The following ULK2 variants were observed in gnomAD, a reference collection of about 807,000 sequenced individuals.
The protein encoded by ULK2 is serine/threonine-protein kinase ULK2.
A neutral mutation model predicts 127.5 loss-of-function variants in ULK2; 76 were observed. The ratio of observed to expected loss-of-function variants is 0.60; its 90% confidence interval spans 0.50 to 0.72. ULK2 has a LOEUF of 0.72. Among genes scored for constraint, ULK2 ranks in the 30% least tolerant of loss-of-function variants. The probability of loss-of-function intolerance (pLI) is 0.00; values close to 1 mark genes in which losing one functional copy is unlikely to be tolerated. For synonymous variants in ULK2, 452 were observed against 461.9 expected (o/e 0.98, Z 0.28); for missense variants, 1,144 against 1,295.9 (o/e 0.88, Z 1.80).
intron 15 of ULK2, among the ~76,000 whole-genome samples, chr17:19,803,218 A>G (rs528356424): frequency 0.023 from 3,574 of 152,294 alleles, 121 homozygotes; most frequent in African/African-American, 0.078. Flanking sequence ...GAACTAGAAC[A>G]ATCATACAAT....
At position 19,816,821 on chromosome 17, in the gene ULK2, T is replaced by C; in HGVS notation, c.1024A>G (p.Ser342Gly). 1 of 1,612,106 alleles carries C rather than the reference T, an allele frequency of 6.2e-7. No homozygotes were observed. The highest frequency in any genetic ancestry group is 8.5e-7 in the Non-Finnish European group (1 of 1,179,372). The part of the protein sequence containing the change: ...LQVSKDSAST[S>G]SKNSSCDTDD... Reference sequence around the variant, plus strand: ...GTGTCACAAGAAGAGTTCTTGCTACTAGTACTGGCAGAATCTTTGGAAACT... The same window carrying C: ...GTGTCACAAGAAGAGTTCTTGCTACCAGTACTGGCAGAATCTTTGGAAACT... Residue 342 changes from serine to glycine, a missense_variant, in exon 13 of 27, where the codon AGT (serine) becomes GGT (glycine). By Grantham distance (56) the Ser-to-Gly change is moderately conservative. Transcript: ENST00000395544.
intron 17 of ULK2, among the ~76,000 whole-genome samples, chr17:19,797,894 A>C (rs1313935418): frequency 6.6e-6 from 1 of 152,188 alleles, no homozygotes; most frequent in Non-Finnish European, 1.5e-5. Flanking sequence ...GACAGAATTT[A>C]ATGATTACAG....
chr17:19,822,718 G>A (rs546913887), intron 12 of ULK2, among the ~76,000 whole-genome samples: 287 of 151,694 alleles, frequency 1.9e-3, no homozygotes, highest in Middle Eastern at 3.4e-3. Flanking sequence ...ATGGAGTCTC[G>A]CTCTGTCGCT....
At chr17:19,824,517 C>G (rs2041241184) in intron 12 of ULK2, among the ~76,000 whole-genome samples, 1 of 146,026 alleles carries the variant, frequency 6.8e-6, no homozygotes, top group Admixed American at 6.9e-5. Flanking sequence ...CTAGAGTGAC[C>G]AGAAGGCCTC....
chr17:19,838,377 G>T, intron 10 of ULK2, 124 bp downstream of exon 10: 1 of 814,704 alleles, frequency 1.2e-6, no homozygotes, highest in Non-Finnish European at 1.9e-6. Flanking sequence ...CGAAACCAGT[G>T]AAGGAAATAA....
chr17:19,827,017 A>G (rs775355933), intron 10 of ULK2, among the ~76,000 whole-genome samples: 1 of 152,148 alleles, frequency 6.6e-6, no homozygotes, highest in African/African-American at 2.4e-5. Flanking sequence ...ACCATTCTCC[A>G]TAATAGTTGT....
chr17:19,857,125 G>A (rs2042150377), intron 3 of ULK2, among the ~76,000 whole-genome samples: 2 of 151,756 alleles, frequency 1.3e-5, no homozygotes, highest in Non-Finnish European at 2.9e-5. Context: ...GGCCAATACG[G>A]CAAAACCTCG....
At chr17:19,848,030 CATG>C (rs1294562775) in intron 5 of ULK2, among the ~76,000 whole-genome samples, 1 of 152,016 alleles carries the variant, frequency 6.6e-6, no homozygotes, top group African/African-American at 2.4e-5. Context: ...TACGAGTTGA[CATG>C]ATGATTAAAT....
chr17:19,829,555 G>GGGGC (rs1555561155), intron 10 of ULK2, among the ~76,000 whole-genome samples: 3 of 134,704 alleles, frequency 2.2e-5, no homozygotes, highest in Non-Finnish European at 3.2e-5. Flanking sequence ...AAAAGGGGGG[G>GGGGC]GGCTGGGCAC....
chr17:19,800,225 A>G (rs1209526119), intron 16 of ULK2, among the ~76,000 whole-genome samples: 1 of 152,102 alleles, frequency 6.6e-6, no homozygotes, highest in Non-Finnish European at 1.5e-5. Flanking sequence ...CCTCCCCTTC[A>G]TTCTTCACAG....
intron 3 of ULK2, among the ~76,000 whole-genome samples, chr17:19,858,641 G>A (rs1472627635): frequency 1.3e-5 from 2 of 151,816 alleles, no homozygotes; most frequent in Non-Finnish European, 2.9e-5. Context: ...GACAAATACA[G>A]CAAAAAGATG....
chr17:19,797,408 G>C lies in ULK2; in HGVS notation c.1797C>G (p.Gly599=). The change falls in exon 18 of 27, where the codon GGC becomes GGG. Residue 599 remains glycine (G), a synonymous_variant. Transcript: ENST00000395544. ...FFKTPLPTII[G]SPTKTTAPFK... ...TTAATAAACAAACCTTAGTAGGAGAGCCAATGATTGTTGGCAAAGGAGTTT... is the reference window on the plus strand; with the variant it reads ...TTAATAAACAAACCTTAGTAGGAGACCCAATGATTGTTGGCAAAGGAGTTT... The C allele has an allele frequency of 6.2e-7, 1 of 1,613,050 alleles. No individual in the cohort carries two copies. Among genetic ancestry groups the C allele is most frequent in the African/African-American group, 1.3e-5 (1 of 75,026 alleles).
At chr17:19,860,588 G>C (rs375886207) in intron 3 of ULK2, among the ~76,000 whole-genome samples, 25 of 149,296 alleles carry the variant, frequency 1.7e-4, no homozygotes, top group African/African-American at 6.2e-4. Context: ...GCAATGGCGC[G>C]ATCTCGGCTC....
intron 9 of ULK2, among the ~76,000 whole-genome samples, chr17:19,839,730 T>A (rs570959444): frequency 1.3e-5 from 2 of 150,664 alleles, no homozygotes; most frequent in African/African-American, 2.4e-5. Context: ...CCAAATTCAC[T>A]AATAAAGAGA....
chr17:19,858,743 G>A lies in ULK2; in HGVS notation c.225+6060C>T, dbSNP rs150117121. 3.8e-3 allele frequency among the ~76,000 whole-genome samples: 585 copies of A among 152,320 alleles called. 5 individuals carry two copies. Among genetic ancestry groups the A allele is most frequent in the African/African-American group, 0.013 (554 of 41,574 alleles). ...CCAGAACTTTGGGAGGCCGAAGCAG[G>A]TGGACCACTTGAAGTCAGGAGTTCG... On this transcript the variant is annotated intron_variant, in intron 3 of 26. Coordinates refer to ENST00000395544, the MANE Select transcript of ULK2 (RefSeq NM_014683.4).
intron 3 of ULK2, 62 bp from the exon 4 acceptor site, chr17:19,849,836 T>C (rs1455535510): frequency 2.9e-6 from 3 of 1,036,258 alleles, no homozygotes; most frequent in Non-Finnish European, 4.2e-6. Flanking sequence ...TTAAAGATAA[T>C]GATAGTTAAA....
chr17:19,851,940 G>A (rs1385540231), intron 3 of ULK2, among the ~76,000 whole-genome samples: 1 of 150,134 alleles, frequency 6.7e-6, no homozygotes, highest in Admixed American at 6.7e-5. Context: ...CAACTACTCA[G>A]GAGGCTGAGG....
chr17:19,811,385 G>A (rs1177101762), intron 13 of ULK2: 7 of 151,356 alleles, frequency 4.6e-5, no homozygotes, highest in African/African-American at 1.7e-4. Flanking sequence ...ACCTAATCAT[G>A]TATCAACCTG....
intron 23 of ULK2, 139 bp from the exon 24 acceptor site, chr17:19,781,243 T>A (rs890176252): frequency 3.7e-5 from 5 of 133,952 alleles, no homozygotes; most frequent in East Asian, 2.5e-4. Context: ...CTTTCTTTTC[T>A]TTTTTTTTTT....
Sources: gnomAD v4.1 joint callset for allele counts (sites outside exome capture counted in the v4.1 genomes callset) on GRCh38, gnomAD v4.1.1 for gene constraint, MANE v1.5 for transcripts, NCBI Gene and HGNC (gene_info 2026-07-23, HGNC 2026-07-21) for gene names.